CCDC158: variants seen among roughly 807,000 people sequenced by gnomAD.
CCDC158 encodes coiled-coil domain-containing protein 158.
A neutral mutation model predicts 138.6 loss-of-function variants in CCDC158; 116 were observed. The observed-to-expected ratio is 0.84, with a 90% CI of 0.72 to 0.98. The LOEUF is 0.98. Among genes scored for constraint, CCDC158 ranks in the 50% least tolerant of loss-of-function variants. The pLI is 0.00. For missense variants in CCDC158, 1,265 were observed against 1,306.1 expected, an observed-to-expected ratio of 0.97 and a Z score of 0.48; for synonymous variants, 436 against 442.4, an observed-to-expected ratio of 0.99 and a Z score of 0.18.
intron 10 of CCDC158, among the ~76,000 whole-genome samples, chr4:76,370,159 A>C (rs1260020695): frequency 2.0e-5 from 3 of 152,198 alleles, no homozygotes; most frequent in Non-Finnish European, 2.9e-5. Flanking sequence ...TAGTAAAAAC[A>C]AAGATATATC....
intron 2 of CCDC158, among the ~76,000 whole-genome samples, chr4:76,405,396 A>C (rs1728736444): frequency 6.6e-6 from 1 of 152,234 alleles, no homozygotes; most frequent in African/African-American, 2.4e-5. Context: ...GATGAGCCTC[A>C]TTCACCCAGA....
chr4:76,414,772 G>T (rs2109921765), intron 1 of CCDC158, among the ~76,000 whole-genome samples: 1 of 152,272 alleles, frequency 6.6e-6, no homozygotes, highest in Middle Eastern at 3.4e-3. Context: ...AGTGCCTTTT[G>T]CCTCCTTCAT....
intron 18 of CCDC158, among the ~76,000 whole-genome samples, chr4:76,348,000 G>C (rs1037580361): frequency 6.6e-6 from 1 of 152,112 alleles, no homozygotes. Context: ...TCACAGTTCA[G>C]GCTGGGAAGT....
At chr4:76,356,567 C>T (rs1723587889) in intron 14 of CCDC158, 1 of 152,006 alleles carries the variant, frequency 6.6e-6, no homozygotes, top group Admixed American at 6.6e-5. Context: ...TTCTCCAAAC[C>T]CAACAAGTTT....
At chr4:76,348,220 C>G (rs570146712) in intron 18 of CCDC158, among the ~76,000 whole-genome samples, 3 of 146,490 alleles carry the variant, frequency 2.0e-5, no homozygotes, top group Non-Finnish European at 3.0e-5. Flanking sequence ...GTCAGGAGAT[C>G]GAGACCATCC....
intron 2 of CCDC158, 130 bp downstream of exon 2, chr4:76,411,959 GC>G: frequency 6.6e-6 from 1 of 151,990 alleles, no homozygotes. Flanking sequence ...TTATATTCTG[GC>G]CTAGGCATCC....
chr4:76,411,586 G>A (rs943154322), intron 2 of CCDC158, among the ~76,000 whole-genome samples: 14 of 152,056 alleles, frequency 9.2e-5, no homozygotes, highest in Admixed American at 2.0e-4. Flanking sequence ...AATGTAATAC[G>A]GAATTAAGCT....
chr4:76,419,544 A>T (rs1331106734), intron 1 of CCDC158, among the ~76,000 whole-genome samples: 1 of 152,170 alleles, frequency 6.6e-6, no homozygotes, highest in Non-Finnish European at 1.5e-5. Flanking sequence ...AGGCTCTGCA[A>T]GAGAATCAGT....
chr4:76,390,510 T>C (rs1166793811), intron 4 of CCDC158, among the ~76,000 whole-genome samples: 3 of 151,440 alleles, frequency 2.0e-5, no homozygotes, highest in African/African-American at 7.3e-5. Context: ...AATCAAAGCA[T>C]ACCACCAGAG....
chr4:76,352,054 T>C (rs1033165222), intron 16 of CCDC158: 1 of 347,938 alleles, frequency 2.9e-6, no homozygotes. Context: ...AAACAATGAA[T>C]GAACTAAGGA....
At chr4:76,314,947 C>G (rs528387201) in intron 24 of CCDC158, among the ~76,000 whole-genome samples, 1 of 152,260 alleles carries the variant, frequency 6.6e-6, no homozygotes, top group Non-Finnish European at 1.5e-5. Context: ...ACAGTGTGGG[C>G]AGACAGGAAG....
At chr4:76,392,766 G>A (rs1727430272) in intron 4 of CCDC158, among the ~76,000 whole-genome samples, 1 of 151,770 alleles carries the variant, frequency 6.6e-6, no homozygotes, top group African/African-American at 2.4e-5. Flanking sequence ...AAAAATGTTA[G>A]AACTAATAAG....
Position 76,332,486 on chromosome 4 carries a change from T to A in CCDC158, c.2828A>T (p.Asp943Val), listed in dbSNP as rs375992308. The change falls in exon 20 of 25, where the codon GAT (aspartate) becomes GTT (valine). Residue 943 changes from aspartate to valine, a missense_variant. Asp to Val is a radical substitution (Grantham distance 152). Transcript: ENST00000682701. ...TTCAGTAATGCAATCTCTTACCCTA[T>A]CCTCTCTGTATAGAAAATATAACTC... ...SLGALYVAVE[D>V]RVRDCITESS... 7.5e-6 allele frequency: 12 copies of A among 1,604,960 alleles called. No homozygotes were observed. The highest frequency in any genetic ancestry group is 1.7e-5 in the Admixed American group (1 of 59,110).
At chr4:76,411,955 T>G (rs1203241708) in intron 2 of CCDC158, 135 bp downstream of exon 2, 2 of 152,200 alleles carry the variant, frequency 1.3e-5, no homozygotes, top group East Asian at 3.8e-4. Flanking sequence ...ATATTTATAT[T>G]CTGGCCTAGG....
At chr4:76,323,500 T>A in intron 23 of CCDC158, 91 bp from the exon 24 acceptor site, 2 of 1,004,092 alleles carry the variant, frequency 2.0e-6, no homozygotes, top group Non-Finnish European at 2.9e-6. Context: ...AATTTTTCTT[T>A]AAAATAAAGG....
Position 76,379,320 on chromosome 4 carries a change from T to C in CCDC158, c.999A>G (p.Leu333=), listed in dbSNP as rs1300928622. 1 of 1,608,408 alleles carries C rather than the reference T, an allele frequency of 6.2e-7. No homozygotes were observed. Among genetic ancestry groups the C allele is most frequent in the Non-Finnish European group, 8.5e-7 (1 of 1,178,082 alleles). The change falls in exon 9 of 25, where the codon TTA becomes TTG. Residue 333 remains leucine, a synonymous_variant. Coordinates refer to ENST00000682701, the MANE Select transcript of CCDC158 (RefSeq NM_001394954.1). ...ESTVSQLRSE[L]REAKRMYEDK... ...CTTCATACATCCTTTTGGCTTCCCTTAATTCAGAACGTAGCTGAGAAACAG... is the reference window on the plus strand; with the variant it reads ...CTTCATACATCCTTTTGGCTTCCCTCAATTCAGAACGTAGCTGAGAAACAG...
intron 12 of CCDC158, among the ~76,000 whole-genome samples, chr4:76,364,534 TA>T (rs148835336): frequency 0.029 from 4,457 of 152,268 alleles, 217 homozygotes; most frequent in African/African-American, 0.1. Context: ...ATTATAATAT[TA>T]AAAACACTAT....
chr4:76,411,548 T>C (rs1474573450), intron 2 of CCDC158, among the ~76,000 whole-genome samples: 1 of 152,242 alleles, frequency 6.6e-6, no homozygotes, highest in Non-Finnish European at 1.5e-5. Flanking sequence ...GGGTTTAATC[T>C]GCATTGACTA....
chr4:76,408,558 T>C (rs1345010398), intron 2 of CCDC158, among the ~76,000 whole-genome samples: 1 of 152,240 alleles, frequency 6.6e-6, no homozygotes, highest in African/African-American at 2.4e-5. Flanking sequence ...GGCGTATATG[T>C]GCCACATTTT....
Sources: allele counts gnomAD v4.1 joint callset (sites outside exome capture counted in the v4.1 genomes callset), GRCh38; gene constraint gnomAD v4.1.1; transcripts MANE v1.5; gene names NCBI Gene and HGNC (gene_info 2026-07-23, HGNC 2026-07-21).